The following DSE variants were observed in gnomAD, a reference collection of about 807,000 sequenced individuals.
DSE encodes dermatan sulfate epimerase, also known as dermatan-sulfate epimerase.
DSE carries 36 observed loss-of-function variants against 84.4 expected under a neutral mutation model. The observed-to-expected ratio is 0.43, with a 90% CI of 0.33 to 0.56. The LOEUF (loss-of-function observed/expected upper bound fraction) is 0.56, where lower values mean the gene tolerates loss of function less well. Ranked by LOEUF, DSE falls within the 20% of genes least tolerant of loss-of-function variation. The pLI, the probability that DSE is intolerant of heterozygous loss-of-function variation, is 0.06. For missense variants in DSE, 862 were observed against 1,169.6 expected (o/e 0.74, Z 3.84); for synonymous variants, 410 against 430.1 (o/e 0.95, Z 0.58).
intron 2 of DSE, among the ~76,000 whole-genome samples, chr6:116,343,488 AT>A (rs1777749240): frequency 6.6e-6 from 1 of 152,210 alleles, no homozygotes; most frequent in Non-Finnish European, 1.5e-5. Flanking sequence ...CCATTCTGCA[AT>A]ATTTGCTGTT....
intron 2 of DSE, among the ~76,000 whole-genome samples, chr6:116,268,426 T>C (rs560047542): frequency 6.6e-6 from 1 of 152,298 alleles, no homozygotes; most frequent in Admixed American, 6.5e-5. Flanking sequence ...AATGATGAAA[T>C]TGCCTAATGA....
rs77249610 is a variant in DSE, at chr6:116,287,423, A to G, written c.-54+28456A>G. 1.2e-4 allele frequency among the ~76,000 whole-genome samples: 19 copies of G among 152,184 alleles called. No individual in the cohort carries two copies. In the East Asian group the frequency reaches 3.5e-3, roughly 28 times the overall value. On this transcript the variant is annotated intron_variant, in intron 2 of 3. Coordinates refer to the DSE transcript ENST00000430252. ...TTCTTTTTAAAAACATAAAATAATT[A>G]TGTATAAGAATGCATCATGTCATAG...
rs1165334260 is a variant in DSE, at chr6:116,438,949, C to T, written c.*1604C>T. The T allele has an allele frequency of 1.3e-5, 2 of 151,970 alleles. No individual in the cohort carries two copies. Among genetic ancestry groups the T allele is most frequent in the African/African-American group, 2.4e-5 (1 of 41,378 alleles). The allele number at this position is 151,970 out of a possible 1,614,324, so 9.4% of individuals were successfully genotyped here. A position where few individuals can be genotyped will look rare whatever the true frequency, so the allele number is the denominator to read the frequency against. ...GACTTCTGAGGAAGTAATTTTTTTC[C>T]CCTCTCATGGAAAGTCTCTAGGGAG... On this transcript the variant is annotated 3_prime_UTR_variant, in exon 6 of 6. Transcript: ENST00000644252.
intron 1 of DSE, among the ~76,000 whole-genome samples, chr6:116,389,211 C>T (rs1780743975): frequency 6.6e-6 from 1 of 152,104 alleles, no homozygotes; most frequent in South Asian, 2.1e-4. Flanking sequence ...ATTTAAGCTT[C>T]ACAGAAACCC....
chr6:116,361,749 A>G (rs192726737), intron 2 of DSE, among the ~76,000 whole-genome samples: 4 of 152,342 alleles, frequency 2.6e-5, no homozygotes, highest in Non-Finnish European at 5.9e-5. Flanking sequence ...CACATTAACC[A>G]TCAAATAAAT....
At chr6:116,415,556 T>TC (rs398110573) in intron 2 of DSE, among the ~76,000 whole-genome samples, 2 of 150,568 alleles carry the variant, frequency 1.3e-5, no homozygotes, top group African/African-American at 4.9e-5. Context: ...CTTTTTTTTT[T>TC]CCTCTCTTCT....
At chr6:116,275,910 CA>C (rs1363560961) in intron 2 of DSE, among the ~76,000 whole-genome samples, 1 of 151,684 alleles carries the variant, frequency 6.6e-6, no homozygotes, top group Non-Finnish European at 1.5e-5. Flanking sequence ...ATGGGAAAAA[CA>C]TGAAAATATA....
At position 116,439,616 on chromosome 6, in the gene DSE, C is replaced by T. The variant is rs1462880292; in HGVS notation, c.*2271C>T. 6.6e-6 allele frequency: 1 copy of T among 151,870 alleles called. No individual in the cohort carries two copies. The highest frequency in any genetic ancestry group is 1.5e-5 in the Non-Finnish European group (1 of 67,958). 9.4% of individuals were successfully genotyped at this position (151,870 alleles called of 1,614,324 possible). ...AGTAAAACTAGGGAACTTTTTGTAA[C>T]TTGAAAACAAAGCAATGTTAAATCT... On this transcript the variant is annotated 3_prime_UTR_variant, in exon 6 of 6. Coordinates refer to ENST00000644252, the MANE Select transcript of DSE (RefSeq NM_013352.4).
At chr6:116,391,594 G>A (rs897303159) in intron 1 of DSE, among the ~76,000 whole-genome samples, 9 of 151,692 alleles carry the variant, frequency 5.9e-5, no homozygotes, top group African/African-American at 1.5e-4. Flanking sequence ...GTGAAACCCC[G>A]TCTCTACTAA....
In DSE at chr6:116,416,185, G is replaced by A. The variant is rs142910357; in HGVS notation, c.417-10389G>A. On this transcript the variant is annotated intron_variant, in intron 2 of 5. Transcript: ENST00000644252. ...AAAGGTTCTTTGCTTTTAAGGACCC[G>A]TGTGACTAGATTGGGACCACCTGGG... is the stretch of plus-strand genomic sequence containing the variant. Among the ~76,000 whole-genome samples, 697 of 152,240 alleles carry A rather than the reference G, an allele frequency of 4.6e-3. 22 individuals carry two copies. The highest frequency in any genetic ancestry group is 0.043 in the South Asian group (206 of 4,824).
At chr6:116,329,221 G>A (rs1776803283) in intron 2 of DSE, among the ~76,000 whole-genome samples, 1 of 152,138 alleles carries the variant, frequency 6.6e-6, no homozygotes, top group Non-Finnish European at 1.5e-5. Context: ...TTTATTTCAA[G>A]AATAAGCAGT....
chr6:116,293,842 C>T (rs912526289), intron 2 of DSE, among the ~76,000 whole-genome samples: 5 of 151,876 alleles, frequency 3.3e-5, no homozygotes, highest in African/African-American at 9.7e-5. Flanking sequence ...GATCACGCCA[C>T]TGCACTCCAG....
chr6:116,341,596 G>C (rs1221267284), intron 2 of DSE, among the ~76,000 whole-genome samples: 1 of 152,160 alleles, frequency 6.6e-6, no homozygotes, highest in South Asian at 2.1e-4. Flanking sequence ...GTATTGCCTA[G>C]GTTTTCTTCT....
intron 2 of DSE, among the ~76,000 whole-genome samples, chr6:116,346,589 T>C (rs989190389): frequency 2.6e-5 from 4 of 152,190 alleles, no homozygotes; most frequent in Non-Finnish European, 4.4e-5. Context: ...CTAAAAACTT[T>C]CAATAAACTA....
At chr6:116,320,962 C>G (rs1200518973) in intron 2 of DSE, among the ~76,000 whole-genome samples, 1 of 152,054 alleles carries the variant, frequency 6.6e-6, no homozygotes. Context: ...TGTACTAAGG[C>G]GATGGAGAGA....
Position 116,399,334 on chromosome 6 carries a change from C to T in DSE, c.84C>T (p.Asn28=). The T allele has an allele frequency of 6.2e-7, 1 of 1,614,052 alleles. No homozygotes were observed. Among genetic ancestry groups the T allele is most frequent in the African/African-American group, 1.3e-5 (1 of 75,042 alleles). The change falls in exon 2 of 6, where the codon AAC becomes AAT. Residue 28 remains asparagine, a synonymous_variant. Coordinates refer to ENST00000644252, the MANE Select transcript of DSE (RefSeq NM_013352.4). ...CFVSAYITDE[N]PEVMIPFTNA... Reference sequence around the variant, plus strand: ...TGTCAGCCTACATCACCGACGAGAACCCAGAAGTTATGATTCCCTTCACCA... The same window carrying T: ...TGTCAGCCTACATCACCGACGAGAATCCAGAAGTTATGATTCCCTTCACCA...
intron 2 of DSE, among the ~76,000 whole-genome samples, chr6:116,362,090 A>C (rs894104383): frequency 1.3e-5 from 2 of 152,228 alleles, no homozygotes; most frequent in Non-Finnish European, 2.9e-5. Context: ...AAAGCTGTAA[A>C]ACTTGTTTAG....
intron 2 of DSE, among the ~76,000 whole-genome samples, chr6:116,269,352 T>C (rs1562192466): frequency 6.6e-6 from 1 of 152,230 alleles, no homozygotes; most frequent in Non-Finnish European, 1.5e-5. Context: ...GCTGACTTGC[T>C]CATTTTTATT....
chr6:116,418,646 C>T (rs1216191682), intron 2 of DSE, among the ~76,000 whole-genome samples: 3 of 152,114 alleles, frequency 2.0e-5, no homozygotes, highest in African/African-American at 4.8e-5. Context: ...GGCTTAGAAC[C>T]CTTGGACCCT....
Sources: gnomAD v4.1 joint callset for allele counts (sites outside exome capture counted in the v4.1 genomes callset) on GRCh38, gnomAD v4.1.1 for gene constraint, MANE v1.5 for transcripts, NCBI Gene and HGNC (gene_info 2026-07-23, HGNC 2026-07-21) for gene names.